PABPC1: variants seen among roughly 807,000 people sequenced by gnomAD.
PABPC1 encodes polyadenylate-binding protein 1.
PABPC1 carries 4 observed loss-of-function variants against 74.0 expected under a neutral mutation model. The observed-to-expected ratio is 0.05, with a 90% CI of 0.03 to 0.12. The LOEUF is 0.12. Ranked by LOEUF, PABPC1 falls within the 10% of genes least tolerant of loss-of-function variation. PABPC1 has a pLI of 1.00. For missense variants in PABPC1, 271 were observed against 821.1 expected (o/e 0.33, Z 8.19); for synonymous variants, 227 against 264.1 (o/e 0.86, Z 1.36).
At chr8:100,716,240 A>C (rs1810665786) in intron 3 of PABPC1, among the ~76,000 whole-genome samples, 2 of 152,244 alleles carry the variant, frequency 1.3e-5, no homozygotes, top group East Asian at 3.9e-4. Flanking sequence ...TGTCTCTACT[A>C]AAGTACAAAA....
rs558900084 is a variant in PABPC1, at chr8:100,721,046, G to A, written c.193+345C>T. ...ACCTCTTACCCACGGAAGGAGCTCA[G>A]CGTTCAACGCCCCAGAATCCCGGGG... On this transcript the variant is annotated intron_variant, in intron 1 of 14. Transcript: ENST00000318607. This position sits in a 1 kb window ranked among gnomAD's most constrained non-coding sequence, Gnocchi z 7.4. Among the ~76,000 whole-genome samples, 6 of 152,314 alleles carry A rather than the reference G, an allele frequency of 3.9e-5. No individual in the cohort carries two copies. The highest frequency in any genetic ancestry group is 1.4e-4 in the African/African-American group (6 of 41,566).
intron 9 of PABPC1, among the ~76,000 whole-genome samples, chr8:100,707,436 T>C (rs561662538): frequency 1.3e-5 from 2 of 152,148 alleles, no homozygotes; most frequent in South Asian, 4.2e-4. Flanking sequence ...TCTCCAATGA[T>C]AGGTAAGGTC....
Position 100,721,526 on chromosome 8 carries a change from G to T in PABPC1, c.58C>A (p.Pro20Thr). 6.2e-7 allele frequency: 1 copy of T among 1,611,002 alleles called. No homozygotes were observed. The highest frequency in any genetic ancestry group is 2.2e-5 in the East Asian group (1 of 44,652). ...MASLYVGDLH[P>T]DVTEAMLYEK... ...TAGAGCATCGCCTCGGTCACGTCGG[G>T]GTGGAGGTCCCCCACGTAGAGCGAG... Residue 20 changes from proline to threonine, a missense_variant, in exon 1 of 15, where the codon CCC becomes ACC. Pro to Thr is a conservative substitution (Grantham distance 38). Coordinates refer to ENST00000318607, the MANE Select transcript of PABPC1 (RefSeq NM_002568.4). The surrounding 1 kb of genome is among the most constrained non-coding windows in gnomAD (Gnocchi z 7.4).
intron 9 of PABPC1, among the ~76,000 whole-genome samples, chr8:100,708,381 G>A (rs1415496351): frequency 2.0e-5 from 3 of 151,796 alleles, no homozygotes; most frequent in South Asian, 2.1e-4. Flanking sequence ...ACCTGAACCC[G>A]GGAGGTGAAA....
chr8:100,714,203 T>C lies in PABPC1; in HGVS notation c.644-1022A>G, dbSNP rs1014902924. 3.2e-4 allele frequency among the ~76,000 whole-genome samples: 48 copies of C among 152,240 alleles called. 2 individuals are homozygous for C. The highest frequency in any genetic ancestry group is 3.0e-3 in the Admixed American group (46 of 15,288). Reference sequence around the variant, plus strand: ...TATTCACATATTTGTGGTCAACTTATGCAGCATTACTCATACGGTAGGTAG... The same window carrying C: ...TATTCACATATTTGTGGTCAACTTACGCAGCATTACTCATACGGTAGGTAG... On this transcript the variant is annotated intron_variant, in intron 4 of 14. Transcript: ENST00000318607.
chr8:100,712,483 G>GA, intron 6 of PABPC1, 26 bp from the exon 7 acceptor site: 8 of 1,518,282 alleles, frequency 5.3e-6, no homozygotes, highest in Non-Finnish European at 7.2e-6. Flanking sequence ...GAAAACTATA[G>GA]AAAAAGAAAA....
At chr8:100,709,349 A>G (rs1587151328) in intron 8 of PABPC1, 110 bp downstream of exon 8, 3 of 1,478,948 alleles carry the variant, frequency 2.0e-6, no homozygotes, top group South Asian at 1.2e-5. Flanking sequence ...CTACTCAATC[A>G]TAATTCCCCT....
In PABPC1 at chr8:100,712,714, G is replaced by A. The variant is rs756837226; in HGVS notation, c.814C>T (p.Arg272Trp). 1.2e-6 allele frequency: 2 copies of A among 1,612,108 alleles called. No homozygotes were observed. Among genetic ancestry groups the A allele is most frequent in the Non-Finnish European group, 8.5e-7 (1 of 1,179,668 alleles). The change falls in exon 6 of 15, where the codon CGG (arginine) becomes TGG (tryptophan). Residue 272 changes from arginine (R) to tryptophan (W), a missense_variant. Coordinates refer to ENST00000318607, the MANE Select transcript of PABPC1 (RefSeq NM_002568.4). Reference protein sequence around the residue: ...YVGRAQKKVERQTELKRKFEQ... With the variant: ...YVGRAQKKVEWQTELKRKFEQ... ...AATTTGCGCTTAAGTTCCGTCTGCC[G>A]TTCCACCTTTTTCTGAGCTCGACCA...
At chr8:100,705,890 C>A (rs1306357796) in intron 11 of PABPC1, among the ~76,000 whole-genome samples, 1 of 152,148 alleles carries the variant, frequency 6.6e-6, no homozygotes, top group Non-Finnish European at 1.5e-5. Context: ...ACTTTGTCGC[C>A]CAGGCTGGAA....
chr8:100,715,156 C>CAT (rs1252642515), intron 4 of PABPC1, among the ~76,000 whole-genome samples: 17 of 76,692 alleles, frequency 2.2e-4, no homozygotes, highest in African/African-American at 6.9e-4. Flanking sequence ...CACACACACA[C>CAT]ACATATATAT....
chr8:100,721,357 G>T lies in PABPC1; in HGVS notation c.193+34C>A. The T allele has an allele frequency of 7.6e-7, 1 of 1,313,644 alleles. No homozygotes were observed. Among genetic ancestry groups the T allele is most frequent in the Non-Finnish European group, 9.9e-7 (1 of 1,005,722 alleles). The allele number at this position is 1,313,644 out of a possible 1,614,324, so 81.4% of individuals were successfully genotyped here. The stretch of plus-strand genomic sequence containing the variant: ...CGCCGCCCGAGCCTCATGGCCGCCC[G>T]CCCGCCCGGCCGACCGCGGAGCCCG... On this transcript the variant is annotated intron_variant, in intron 1 of 14. Coordinates refer to ENST00000318607, the MANE Select transcript of PABPC1 (RefSeq NM_002568.4). The surrounding 1 kb of genome is among the most constrained non-coding windows in gnomAD (Gnocchi z 7.4).
At chr8:100,708,693 T>C (rs1441205130) in intron 9 of PABPC1, among the ~76,000 whole-genome samples, 1 of 151,586 alleles carries the variant, frequency 6.6e-6, no homozygotes, top group South Asian at 2.1e-4. Flanking sequence ...CTGGCCAACG[T>C]GGTCAAACCC....
At chr8:100,713,803 G>T (rs1427173249) in intron 4 of PABPC1, among the ~76,000 whole-genome samples, 1 of 152,004 alleles carries the variant, frequency 6.6e-6, no homozygotes, top group African/African-American at 2.4e-5. Flanking sequence ...GATTTTCTTT[G>T]TATCAATTAA....
chr8:100,716,687 T>C (rs1810678953), intron 3 of PABPC1, among the ~76,000 whole-genome samples: 1 of 152,384 alleles, frequency 6.6e-6, no homozygotes, highest in Non-Finnish European at 1.5e-5. Flanking sequence ...TAAATAATGC[T>C]GCAACTTTTT....
intron 3 of PABPC1, 23 bp from the exon 4 acceptor site, chr8:100,715,624 T>G: frequency 6.5e-7 from 1 of 1,538,826 alleles, no homozygotes. Flanking sequence ...ACAAGGACTA[T>G]AACATTAGAT....
At chr8:100,705,362 G>A (rs985660582) in intron 12 of PABPC1, among the ~76,000 whole-genome samples, 3 of 152,194 alleles carry the variant, frequency 2.0e-5, no homozygotes, top group Admixed American at 1.3e-4. Context: ...AATGTAGTGA[G>A]GGCCCATGGT....
chr8:100,718,010 G>A (rs1199873104), intron 2 of PABPC1, 77 bp downstream of exon 2: 1 of 1,375,406 alleles, frequency 7.3e-7, no homozygotes, highest in Non-Finnish European at 1.0e-6. Context: ...ATCCATTACT[G>A]CACAGTTCCT....
At chr8:100,719,930 A>G (rs1347835721) in intron 1 of PABPC1, among the ~76,000 whole-genome samples, 1 of 152,246 alleles carries the variant, frequency 6.6e-6, no homozygotes, top group Non-Finnish European at 1.5e-5. Flanking sequence ...TTACAGAGCA[A>G]AAGGGCAGGA....
Position 100,721,629 on chromosome 8 carries a change from A to G in PABPC1, c.-46T>C. On this transcript the variant is annotated 5_prime_UTR_variant, in exon 1 of 15. Transcript: ENST00000318607. The surrounding 1 kb of genome is among the most constrained non-coding windows in gnomAD (Gnocchi z 7.4). The stretch of plus-strand genomic sequence containing the variant: ...GGCCACAGGCCGCGACCTTTCCGTG[A>G]GAGGAGGAGAGCGAGTGCCGGGGCT... 1 of 1,226,052 alleles carries G rather than the reference A, an allele frequency of 8.2e-7. No homozygotes were observed. 75.9% of individuals were successfully genotyped at this position (1,226,052 alleles called of 1,614,324 possible). A position where few individuals can be genotyped will look rare whatever the true frequency, so the allele number is the denominator to read the frequency against.
Sources: allele counts gnomAD v4.1 joint callset (sites outside exome capture counted in the v4.1 genomes callset), GRCh38; gene constraint gnomAD v4.1.1; non-coding constraint Gnocchi (gnomAD v3.1); transcripts MANE v1.5; gene names NCBI Gene and HGNC (gene_info 2026-07-23, HGNC 2026-07-21).